CDC42SE2: variants seen among roughly 807,000 people sequenced by gnomAD.
The protein encoded by CDC42SE2 is CDC42 small effector protein 2.
Under a neutral mutation model 11.5 loss-of-function variants are expected in CDC42SE2, and 3 were observed. The observed-to-expected ratio is 0.26, with a 90% CI of 0.12 to 0.67. The LOEUF (loss-of-function observed/expected upper bound fraction) is 0.67, where lower values mean the gene tolerates loss of function less well. Ranked by LOEUF, CDC42SE2 falls within the 30% of genes least tolerant of loss-of-function variation. CDC42SE2 has a pLI of 0.80. For missense variants in CDC42SE2, 82 were observed against 106.8 expected (o/e 0.77, Z 1.02); for synonymous variants, 33 against 34.8 (o/e 0.95, Z 0.18).
upstream of CDC42SE2, among the ~76,000 whole-genome samples, chr5:131,243,957 T>C (rs1280262751): frequency 2.6e-5 from 4 of 152,200 alleles, no homozygotes; most frequent in African/African-American, 9.6e-5. Context: ...TTCAGTAAAC[T>C]CTCACTTTTT....
At chr5:131,329,465 G>A (rs1048754547) in intron 2 of CDC42SE2, among the ~76,000 whole-genome samples, 7 of 152,108 alleles carry the variant, frequency 4.6e-5, no homozygotes, top group Non-Finnish European at 8.8e-5. Flanking sequence ...AGAATTGGAT[G>A]ACTTCATTTG....
chr5:131,240,266 C>T, the CDC42SE2 span, among the ~76,000 whole-genome samples: 48 of 152,258 alleles, frequency 3.2e-4, no homozygotes, highest in Admixed American at 1.6e-3. Context: ...TCTAGTCATT[C>T]ATTCATAAAT....
intron 2 of CDC42SE2, among the ~76,000 whole-genome samples, chr5:131,350,706 A>G (rs1040360840): frequency 6.6e-6 from 1 of 151,878 alleles, no homozygotes; most frequent in Non-Finnish European, 1.5e-5. Context: ...TGCAGTCCCA[A>G]TCAGAATCAC....
intron 1 of CDC42SE2, among the ~76,000 whole-genome samples, chr5:131,280,654 T>G (rs1342220213): frequency 6.6e-6 from 1 of 152,166 alleles, no homozygotes; most frequent in African/African-American, 2.4e-5. Context: ...TTATACTAGC[T>G]GATGAAAACC....
intron 1 of CDC42SE2, among the ~76,000 whole-genome samples, chr5:131,292,921 A>AAC (rs1554095945): frequency 0.028 from 3,930 of 139,092 alleles, 382 homozygotes; most frequent in African/African-American, 0.1. Context: ...AAAAAAAAAA[A>AAC]AAAAAAAAAA....
At chr5:131,332,141 C>T (rs540770103) in intron 2 of CDC42SE2, among the ~76,000 whole-genome samples, 8 of 152,188 alleles carry the variant, frequency 5.3e-5, no homozygotes, top group South Asian at 4.2e-4. Flanking sequence ...CAACAGTCCC[C>T]GGTGTGTGAT....
intron 2 of CDC42SE2, among the ~76,000 whole-genome samples, chr5:131,351,008 C>T (rs1208416095): frequency 6.6e-6 from 1 of 151,978 alleles, no homozygotes; most frequent in Non-Finnish European, 1.5e-5. Flanking sequence ...TACAGTGTTA[C>T]AGTCATGGCT....
At chr5:131,282,438 A>G (rs528376016) in intron 1 of CDC42SE2, among the ~76,000 whole-genome samples, 1 of 152,314 alleles carries the variant, frequency 6.6e-6, no homozygotes, top group East Asian at 1.9e-4. Flanking sequence ...CACAGGTACT[A>G]AATATGTTGT....
chr5:131,319,178 G>A (rs548335555), intron 2 of CDC42SE2, among the ~76,000 whole-genome samples: 68 of 151,728 alleles, frequency 4.5e-4, no homozygotes, highest in Non-Finnish European at 8.1e-4. Context: ...GTGCTGGGAT[G>A]AGTTGGGGGT....
intron 1 of CDC42SE2, among the ~76,000 whole-genome samples, chr5:131,313,831 T>A (rs1044674412): frequency 2.5e-4 from 38 of 152,276 alleles, no homozygotes; most frequent in Admixed American, 6.5e-4. Flanking sequence ...TTAATTAATT[T>A]ATTTTATTTA....
At chr5:131,260,667 C>T (rs542297956), upstream of CDC42SE2, among the ~76,000 whole-genome samples, 1 of 149,960 alleles carries the variant, frequency 6.7e-6, no homozygotes, top group African/African-American at 2.5e-5. Flanking sequence ...AGTGCAGTGG[C>T]TCACACCTGT....
chr5:131,340,866 C>T (rs568474340), intron 2 of CDC42SE2, among the ~76,000 whole-genome samples: 48 of 151,928 alleles, frequency 3.2e-4, no homozygotes, highest in African/African-American at 1.1e-3. Context: ...TTAGTAGAGT[C>T]GGGTTTGACC....
At chr5:131,375,075 A>G (rs1021299914) in intron 3 of CDC42SE2, among the ~76,000 whole-genome samples, 8 of 142,464 alleles carry the variant, frequency 5.6e-5, no homozygotes, top group East Asian at 2.0e-4. Context: ...CAGTTTTCAT[A>G]CTTGGAATAT....
chr5:131,315,351 T>G (rs1758019373), intron 1 of CDC42SE2, among the ~76,000 whole-genome samples: 1 of 152,182 alleles, frequency 6.6e-6, no homozygotes, highest in Non-Finnish European at 1.5e-5. Context: ...TATTATATCC[T>G]CAAGGCAGAG....
At chr5:131,299,731 A>G (rs1273500184) in intron 1 of CDC42SE2, among the ~76,000 whole-genome samples, 3 of 152,220 alleles carry the variant, frequency 2.0e-5, no homozygotes, top group Admixed American at 6.5e-5. Flanking sequence ...GGCGATCAGC[A>G]TTGATGCTAA....
At chr5:131,327,437 C>G (rs2149738534) in intron 2 of CDC42SE2, among the ~76,000 whole-genome samples, 1 of 152,164 alleles carries the variant, frequency 6.6e-6, no homozygotes, top group East Asian at 1.9e-4. Context: ...GGAGTACCTC[C>G]TATATTTCTT....
rs533704695 is a variant in CDC42SE2 at position 131,307,296 on chromosome 5, T to A, written c.-454-8680T>A. Reference sequence around the variant, plus strand: ...GTGATCTCATTGTTCAGTTCCCACCTATGAGTGAGAATATGCGGTGTTTGG... The same window carrying A: ...GTGATCTCATTGTTCAGTTCCCACCAATGAGTGAGAATATGCGGTGTTTGG... On this transcript the variant is annotated intron_variant, in intron 1 of 4. Transcript: ENST00000505065. 1.2e-3 allele frequency among the ~76,000 whole-genome samples: 180 copies of A among 144,274 alleles called. 1 individual carries two copies. Among genetic ancestry groups the A allele is most frequent in the African/African-American group, 4.4e-3 (171 of 38,958 alleles). The allele number at this position is 144,274 out of a possible 152,430, so 94.6% of individuals were successfully genotyped here.
intron 3 of CDC42SE2, among the ~76,000 whole-genome samples, chr5:131,378,316 A>G (rs998808088): frequency 7.9e-5 from 12 of 152,212 alleles, no homozygotes; most frequent in Non-Finnish European, 8.8e-5. Context: ...TCCATTTTTT[A>G]TATTATTACA....
chr5:131,314,233 CTT>C (rs1186826623), intron 1 of CDC42SE2, among the ~76,000 whole-genome samples: 50 of 136,904 alleles, frequency 3.7e-4, no homozygotes, highest in Non-Finnish European at 4.0e-4. Flanking sequence ...AATGATTGTC[CTT>C]TTTTTTTTTT....
Sources: gnomAD v4.1 joint callset for allele counts (sites outside exome capture counted in the v4.1 genomes callset) on GRCh38, gnomAD v4.1.1 for gene constraint, MANE v1.5 for transcripts, NCBI Gene and HGNC (gene_info 2026-07-23, HGNC 2026-07-21) for gene names.